CUL2: variants seen among roughly 807,000 people sequenced by gnomAD.
CUL2 encodes the protein cullin 2.
A neutral mutation model predicts 110.2 loss-of-function variants in CUL2; 22 were observed. The ratio of observed to expected loss-of-function variants is 0.20; its 90% CI spans 0.14 to 0.28. The LOEUF is 0.28. Ranked by LOEUF, CUL2 falls within the 10% of genes least tolerant of loss-of-function variation. CUL2 has a pLI of 1.00. For missense variants in CUL2, 631 were observed against 905.5 expected, an observed-to-expected ratio of 0.70 and a Z score of 3.89; for synonymous variants, 279 against 293.2, an observed-to-expected ratio of 0.95 and a Z score of 0.49.
In CUL2 at chr10:35,025,423, G is replaced by A. The variant is rs1205319274; in HGVS notation, c.1618-225C>T. 2.0e-5 allele frequency among the ~76,000 whole-genome samples: 3 copies of A among 152,114 alleles called. No homozygotes were observed. In the East Asian group the frequency reaches 5.8e-4, roughly 29 times the overall value. The stretch of plus-strand genomic sequence containing the variant: ...CTTTTAATTGACAACTTGTTCTAGA[G>A]TTCTCTCCACTAAACCACAGCACTG... On this transcript the variant is annotated intron_variant, in intron 16 of 20. Transcript: ENST00000374749.
chr10:35,101,989 C>G (rs907916947), intron 1 of CUL2, among the ~76,000 whole-genome samples: 4 of 152,208 alleles, frequency 2.6e-5, no homozygotes, highest in African/African-American at 9.6e-5. Context: ...GCTGGGATTA[C>G]AGGTGTGAGC....
chr10:35,079,619 T>C (rs1053061118), intron 1 of CUL2: 3 of 153,502 alleles, frequency 2.0e-5, no homozygotes, highest in Admixed American at 6.5e-5. Context: ...TAAGAATTTC[T>C]TTCTTCACAA....
intron 6 of CUL2, among the ~76,000 whole-genome samples, chr10:35,047,919 A>C (rs1371459351): frequency 1.3e-5 from 2 of 151,716 alleles, no homozygotes; most frequent in African/African-American, 4.8e-5. Context: ...AAAAAAAAGG[A>C]AAAAAGGACA....
intron 1 of CUL2, among the ~76,000 whole-genome samples, chr10:35,111,951 G>C (rs1329030252): frequency 6.6e-6 from 1 of 152,216 alleles, no homozygotes; most frequent in South Asian, 2.1e-4. Context: ...ACTGTCCAGA[G>C]ATTGGGAGTG....
chr10:35,056,933 T>C (rs556988177), intron 4 of CUL2, among the ~76,000 whole-genome samples: 2 of 152,350 alleles, frequency 1.3e-5, no homozygotes, highest in East Asian at 3.9e-4. Flanking sequence ...CTCTCACTAC[T>C]TCCTTTGACT....
upstream of CUL2, among the ~76,000 whole-genome samples, chr10:35,092,303 G>A (rs2087223009): frequency 1.3e-5 from 2 of 152,192 alleles, no homozygotes; most frequent in South Asian, 2.1e-4. Context: ...TGGTGCAAAG[G>A]AATACGGACA....
At chr10:35,077,827 A>G (rs2086858624) in intron 1 of CUL2, among the ~76,000 whole-genome samples, 2 of 150,948 alleles carry the variant, frequency 1.3e-5, no homozygotes, top group South Asian at 4.1e-4. Flanking sequence ...CAAAAAAAAA[A>G]AAAGAAAAGA....
chr10:35,063,714 A>C (rs956295878), intron 2 of CUL2: 1 of 151,570 alleles, frequency 6.6e-6, no homozygotes, highest in African/African-American at 2.4e-5. Flanking sequence ...CAGTGATCTT[A>C]ACCAAGTTTC....
At chr10:35,014,188 AT>A (rs969821627) in intron 18 of CUL2, among the ~76,000 whole-genome samples, 48 of 151,634 alleles carry the variant, frequency 3.2e-4, no homozygotes, top group African/African-American at 9.4e-4. Context: ...AAGCAACCAC[AT>A]TTTTTTTTAC....
At chr10:35,018,972 A>C (rs184128200) in intron 17 of CUL2, among the ~76,000 whole-genome samples, 41 of 152,292 alleles carry the variant, frequency 2.7e-4, no homozygotes, top group African/African-American at 9.1e-4. Context: ...AGGAGGTTTA[A>C]TATATTAAAT....
chr10:35,121,820 A>T (rs373495312), intron 1 of CUL2, among the ~76,000 whole-genome samples: 64 of 152,138 alleles, frequency 4.2e-4, no homozygotes, highest in East Asian at 9.6e-4. Context: ...AAAAAAAAAA[A>T]AAAAAATAAA....
At chr10:35,094,360 C>T (rs60648958), upstream of CUL2, among the ~76,000 whole-genome samples, 20,589 of 152,040 alleles carry the variant, frequency 0.14, 1,588 homozygotes, top group South Asian at 0.2. Flanking sequence ...CTCAGCCTCC[C>T]GAGTAGCTGA....
At position 35,008,822 on chromosome 10, in the gene CUL2, AATT is replaced by A. The variant is rs1299239668; in HGVS notation, c.*1486_*1488del. On this transcript the variant is annotated 3_prime_UTR_variant, in exon 21 of 21. Coordinates refer to ENST00000374749, the MANE Select transcript of CUL2 (RefSeq NM_003591.4). ...AACCACATATTAGATGATACTAAGT[AATT>A]ATTGTTTTTGTTAGGAGTAATAATA... is the stretch of plus-strand genomic sequence containing the variant. 2 of 152,224 alleles carry A rather than the reference AATT, an allele frequency of 1.3e-5. No individual in the cohort carries two copies. The highest frequency in any genetic ancestry group is 2.9e-5 in the Non-Finnish European group (2 of 68,046). 9.4% of individuals were successfully genotyped at this position (152,224 alleles called of 1,614,324 possible).
intron 2 of CUL2, among the ~76,000 whole-genome samples, chr10:35,065,562 T>C (rs1204721173): frequency 6.6e-6 from 1 of 151,960 alleles, no homozygotes; most frequent in Non-Finnish European, 1.5e-5. Context: ...GAGGTTGCAG[T>C]GAGCCAAGAT....
In CUL2 at chr10:35,016,323, G is replaced by T; in HGVS notation, c.1756C>A (p.Leu586Ile). The T allele has an allele frequency of 6.2e-7, 1 of 1,613,998 alleles. No individual in the cohort carries two copies. Among genetic ancestry groups the T allele is most frequent in the Non-Finnish European group, 8.5e-7 (1 of 1,179,940 alleles). The stretch of plus-strand genomic sequence containing the variant: ...ACAGTTTCACTGTTGTTAAAGGCAA[G>T]AAGAACTGCCATTTGGTATGTTGTA... ...MVTTYQMAVL[L>I]AFNNSETVSY... is the part of the protein sequence containing the mutation. Residue 586 changes from leucine (L) to isoleucine (I), a missense_variant, in exon 18 of 21, where the codon CTT becomes ATT. Physicochemically the swap from Leu to Ile is conservative, Grantham distance 5. Transcript: ENST00000374749.
At position 35,029,404 on chromosome 10, in the gene CUL2, G is replaced by A. The variant is rs1328837872; in HGVS notation, c.1539+84C>T. On this transcript the variant is annotated intron_variant, in intron 15 of 20. Transcript: ENST00000374749. Reference sequence around the variant, plus strand: ...CCACAATCTACTCACAGAACCAAACGTAATCAGGCATCCATTTATGAATCA... The same window carrying A: ...CCACAATCTACTCACAGAACCAAACATAATCAGGCATCCATTTATGAATCA... The A allele has an allele frequency of 5.0e-6, 5 of 994,770 alleles. No homozygotes were observed. The East Asian group carries it at 8.7e-5, about 17-fold the overall frequency. 61.6% of individuals were successfully genotyped at this position (994,770 alleles called of 1,614,324 possible). A position where few individuals can be genotyped will look rare whatever the true frequency, so the allele number is the denominator to read the frequency against.
At chr10:35,077,268 T>C (rs2086842062) in intron 1 of CUL2, among the ~76,000 whole-genome samples, 1 of 149,550 alleles carries the variant, frequency 6.7e-6, no homozygotes. Flanking sequence ...CACTCCAGTC[T>C]GGGCAACAGA....
rs1401931695 is a variant in CUL2 at position 35,073,570 on chromosome 10, A to ATTTTC, written c.-22-2236_-22-2232dup. Among the ~76,000 whole-genome samples the ATTTTC allele has an allele frequency of 2.8e-4, 39 of 138,580 alleles. 1 individual carries two copies. Among genetic ancestry groups the ATTTTC allele is most frequent in the African/African-American group, 9.1e-4 (34 of 37,350 alleles). The allele number at this position is 138,580 out of a possible 152,430, so 90.9% of individuals were successfully genotyped here. A position where few individuals can be genotyped will look rare whatever the true frequency, so the allele number is the denominator to read the frequency against. On this transcript the variant is annotated intron_variant, in intron 1 of 20. Transcript: ENST00000374749. ...GACAGGTAGGTCCACTGTTGTCCCC[A>ATTTTC]TTTTCTTTTCTTTTCTTTTTTTTTT...
rs547974564 is a variant in CUL2 at position 35,034,617 on chromosome 10, G to GACAAACTGTTACAGT, written c.1002+540_1002+554dup. ...AATAACAAGATTTGGTGATGGGAAAGACAAACTGTTACAGTACAAACTGTT... is the reference window on the plus strand; with the variant it reads ...AATAACAAGATTTGGTGATGGGAAAGACAAACTGTTACAGTACAAACTGTTACAGTACAAACTGTT... On this transcript the variant is annotated intron_variant, in intron 10 of 20. Coordinates refer to ENST00000374749, the MANE Select transcript of CUL2 (RefSeq NM_003591.4). 1.1e-3 allele frequency among the ~76,000 whole-genome samples: 164 copies of GACAAACTGTTACAGT among 152,290 alleles called. 1 individual carries two copies. Among genetic ancestry groups the GACAAACTGTTACAGT allele is most frequent in the African/African-American group, 3.7e-3 (153 of 41,562 alleles).
Sources: gnomAD v4.1 joint callset for allele counts (sites outside exome capture counted in the v4.1 genomes callset) on GRCh38, gnomAD v4.1.1 for gene constraint, MANE v1.5 for transcripts, NCBI Gene and HGNC (gene_info 2026-07-23, HGNC 2026-07-21) for gene names.